The following ELMO1 variants were observed in gnomAD, a reference collection of about 807,000 sequenced individuals.
The protein encoded by ELMO1 is engulfment and cell motility 1.
A neutral mutation model predicts 98.9 loss-of-function variants in ELMO1; 26 were observed. The observed-to-expected ratio is 0.26, with a 90% CI of 0.19 to 0.36. The LOEUF (loss-of-function observed/expected upper bound fraction) is 0.36. Among genes scored for constraint, ELMO1 ranks in the 10% least tolerant of loss-of-function variants. ELMO1 has a pLI of 1.00. For synonymous variants in ELMO1, 346 were observed against 346.0 expected, an observed-to-expected ratio of 1.00 and a Z score of 0.00; for missense variants, 627 against 935.2, an observed-to-expected ratio of 0.67 and a Z score of 4.30.
intron 15 of ELMO1, among the ~76,000 whole-genome samples, chr7:37,037,098 T>C (rs931457819): frequency 1.1e-4 from 17 of 152,144 alleles, no homozygotes; most frequent in African/African-American, 3.9e-4. Context: ...AAATAATAAA[T>C]GAGGAGTTGA....
intron 6 of ELMO1, among the ~76,000 whole-genome samples, chr7:37,245,662 T>C (rs1360445006): frequency 1.3e-5 from 2 of 152,086 alleles, no homozygotes; most frequent in African/African-American, 2.4e-5. Context: ...TGAGCATAAA[T>C]TGGCAGCACG....
intron 13 of ELMO1, among the ~76,000 whole-genome samples, chr7:37,203,263 G>GTCTTAAGCA (rs1333973667): frequency 6.6e-6 from 1 of 152,178 alleles, no homozygotes; most frequent in East Asian, 1.9e-4. Flanking sequence ...ACCTGTTAGA[G>GTCTTAAGCA]TCTTAAGCAT....
intron 15 of ELMO1, among the ~76,000 whole-genome samples, chr7:37,072,129 A>T (rs980263619): frequency 6.6e-6 from 1 of 152,198 alleles, no homozygotes; most frequent in African/African-American, 2.4e-5. Flanking sequence ...AATTCAAAAA[A>T]CAAAGAGTGT....
At chr7:36,903,834 A>G (rs1783767024) in intron 16 of ELMO1, among the ~76,000 whole-genome samples, 1 of 152,216 alleles carries the variant, frequency 6.6e-6, no homozygotes, top group Non-Finnish European at 1.5e-5. Flanking sequence ...TACTGCCCAC[A>G]GTTTTCCTAA....
chr7:37,074,507 T>C (rs956421444), intron 15 of ELMO1, among the ~76,000 whole-genome samples: 9 of 152,208 alleles, frequency 5.9e-5, no homozygotes, highest in African/African-American at 2.2e-4. Context: ...CAGTAGGTAT[T>C]TGCCTAATAA....
intron 16 of ELMO1, among the ~76,000 whole-genome samples, chr7:36,989,884 T>C (rs1237152532): frequency 6.6e-6 from 1 of 152,166 alleles, no homozygotes; most frequent in African/African-American, 2.4e-5. Context: ...ACGTCATAAG[T>C]TTTTTAAGGT....
intron 13 of ELMO1, chr7:37,204,322 G>C (rs1235946251): frequency 2.3e-6 from 1 of 432,860 alleles, no homozygotes; most frequent in African/African-American, 2.0e-5. Flanking sequence ...CTTCCTTCTG[G>C]TGGGTTCGTG....
At chr7:37,418,133 C>G (rs1403355822) in intron 1 of ELMO1, among the ~76,000 whole-genome samples, 1 of 152,108 alleles carries the variant, frequency 6.6e-6, no homozygotes, top group Non-Finnish European at 1.5e-5. Context: ...GCAGGCTCTC[C>G]CCAGCTACTC....
rs186637246 is a variant in ELMO1 at position 37,396,378 on chromosome 7, G to A, written c.-74+52297C>T. Among the ~76,000 whole-genome samples the A allele has an allele frequency of 4.6e-5, 7 of 152,082 alleles. No homozygotes were observed. In the East Asian group the frequency reaches 1.2e-3, roughly 25 times the overall value. On this transcript the variant is annotated intron_variant, in intron 1 of 21. Transcript: ENST00000310758. ...CCCCTGGGCAACATAGCGAGACTCCGTCTCTACAAAACAAAACAAAAAAGG... is the reference window on the plus strand; with the variant it reads ...CCCCTGGGCAACATAGCGAGACTCCATCTCTACAAAACAAAACAAAAAAGG...
At chr7:37,259,106 T>C (rs990252068) in intron 6 of ELMO1, 75 bp downstream of exon 6, 16 of 1,488,838 alleles carry the variant, frequency 1.1e-5, no homozygotes, top group Non-Finnish European at 1.4e-5. Context: ...AGTTTGCAAG[T>C]GTAAGGCATG....
At chr7:37,055,686 C>T (rs543633152) in intron 15 of ELMO1, among the ~76,000 whole-genome samples, 1 of 152,148 alleles carries the variant, frequency 6.6e-6, no homozygotes, top group South Asian at 2.1e-4. Context: ...GGCTTCTAGG[C>T]AACACACATG....
chr7:36,857,228 G>A (rs1405981784), intron 21 of ELMO1, among the ~76,000 whole-genome samples: 3 of 152,118 alleles, frequency 2.0e-5, no homozygotes, highest in Non-Finnish European at 4.4e-5. Flanking sequence ...AGGGATTTCC[G>A]GAAGAATTAG....
At chr7:37,025,984 A>G (rs1484181182) in intron 15 of ELMO1, among the ~76,000 whole-genome samples, 1 of 151,848 alleles carries the variant, frequency 6.6e-6, no homozygotes, top group Non-Finnish European at 1.5e-5. Flanking sequence ...TACAAGAAGG[A>G]GGAGCAGAAG....
chr7:36,991,925 A>C (rs1791905701), intron 16 of ELMO1, among the ~76,000 whole-genome samples: 2 of 152,200 alleles, frequency 1.3e-5, no homozygotes, highest in African/African-American at 4.8e-5. Flanking sequence ...CTCAGGATTC[A>C]AACTCAGGTG....
intron 13 of ELMO1, 68 bp downstream of exon 13, chr7:37,211,318 A>T: frequency 6.2e-7 from 1 of 1,608,626 alleles, no homozygotes; most frequent in Non-Finnish European, 8.5e-7. Flanking sequence ...AAGAGACATC[A>T]GTTATGTGGC....
chr7:36,996,199 C>T (rs2129156619), intron 16 of ELMO1, among the ~76,000 whole-genome samples: 1 of 152,222 alleles, frequency 6.6e-6, no homozygotes, highest in South Asian at 2.1e-4. Flanking sequence ...AAAGAAATCG[C>T]CACTAGAAGA....
intron 2 of ELMO1, among the ~76,000 whole-genome samples, chr7:37,327,034 T>G (rs1223178963): frequency 6.6e-6 from 1 of 152,184 alleles, no homozygotes; most frequent in Non-Finnish European, 1.5e-5. Flanking sequence ...AAGAACAACG[T>G]TTTTCCCCAA....
intron 4 of ELMO1, among the ~76,000 whole-genome samples, chr7:37,280,748 C>T (rs550450204): frequency 9.7e-4 from 148 of 152,032 alleles, no homozygotes; most frequent in African/African-American, 3.0e-3. Flanking sequence ...TCTACACTTC[C>T]GGTGGGAACG....
At chr7:37,402,066 C>A (rs540033472) in intron 1 of ELMO1, among the ~76,000 whole-genome samples, 3 of 152,332 alleles carry the variant, frequency 2.0e-5, no homozygotes, top group Non-Finnish European at 2.9e-5. Context: ...TATGAAGACT[C>A]CTGTGGCACG....
Sources: gnomAD v4.1 joint callset for allele counts (sites outside exome capture counted in the v4.1 genomes callset) on GRCh38, gnomAD v4.1.1 for gene constraint, MANE v1.5 for transcripts, NCBI Gene and HGNC (gene_info 2026-07-23, HGNC 2026-07-21) for gene names.